The following FMNL2 variants were observed in gnomAD, a reference collection of about 807,000 sequenced individuals.
FMNL2 encodes formin like 2.
A neutral mutation model predicts 130.2 loss-of-function variants in FMNL2; 51 were observed. The ratio of observed to expected loss-of-function variants is 0.39; its 90% CI spans 0.31 to 0.49. FMNL2 has a LOEUF of 0.49. FMNL2 is among the 20% of genes least tolerant of loss of function. FMNL2 has a pLI of 0.85. For missense variants in FMNL2, 977 were observed against 1,316.2 expected (o/e 0.74, Z 3.99); for synonymous variants, 465 against 467.1 (o/e 1.00, Z 0.06).
intron 1 of FMNL2, among the ~76,000 whole-genome samples, chr2:152,384,972 A>G (rs1684700414): frequency 6.6e-6 from 1 of 152,166 alleles, no homozygotes; most frequent in Non-Finnish European, 1.5e-5. Context: ...TAATATCCAT[A>G]AATGTATTAG....
intron 6 of FMNL2, among the ~76,000 whole-genome samples, chr2:152,571,087 C>A (rs931982283): frequency 6.6e-6 from 1 of 152,140 alleles, no homozygotes; most frequent in Admixed American, 6.5e-5. Context: ...CCAGTAGCTG[C>A]AATCACAGTG....
chr2:152,427,323 G>T (rs991220121), intron 1 of FMNL2, among the ~76,000 whole-genome samples: 2 of 152,142 alleles, frequency 1.3e-5, no homozygotes, highest in African/African-American at 4.8e-5. Context: ...GAGATGGGTG[G>T]ATCACTTGAG....
chr2:152,647,134 T>A (rs1683657125), intron 25 of FMNL2, among the ~76,000 whole-genome samples: 1 of 152,178 alleles, frequency 6.6e-6, no homozygotes. Flanking sequence ...GAGAATCGCT[T>A]GAGACTGGTT....
chr2:152,443,390 C>G (rs954396832), intron 1 of FMNL2, among the ~76,000 whole-genome samples: 1 of 151,138 alleles, frequency 6.6e-6, no homozygotes, highest in African/African-American at 2.5e-5. Flanking sequence ...ATGGGATTAG[C>G]TAGGAAGGTA....
In FMNL2 at chr2:152,647,963, C is replaced by G; in HGVS notation, c.*58C>G. ...GCGTGAATGAAACTGCCCACATGAA[C>G]TTTATGTGCTACGATTTAACTGCAG... On this transcript the variant is annotated 3_prime_UTR_variant, in exon 26 of 26. Coordinates refer to ENST00000288670, the MANE Select transcript of FMNL2 (RefSeq NM_052905.4). The G allele has an allele frequency of 1.5e-6, 2 of 1,347,406 alleles. No homozygotes were observed. The highest frequency in any genetic ancestry group is 2.1e-6 in the Non-Finnish European group (2 of 971,168). 83.5% of individuals were successfully genotyped at this position (1,347,406 alleles called of 1,614,324 possible).
intron 1 of FMNL2, among the ~76,000 whole-genome samples, chr2:152,348,010 G>A (rs1420703722): frequency 2.7e-5 from 4 of 150,028 alleles, no homozygotes; most frequent in South Asian, 4.3e-4. Context: ...TTTTTCCCCC[G>A]GTGATTCCCC....
At chr2:152,411,574 C>T (rs1337749591) in intron 1 of FMNL2, among the ~76,000 whole-genome samples, 2 of 152,150 alleles carry the variant, frequency 1.3e-5, no homozygotes, top group African/African-American at 2.4e-5. Context: ...AACTCAAGAG[C>T]CAGCCAGTTA....
intron 1 of FMNL2, among the ~76,000 whole-genome samples, chr2:152,441,962 AGT>A (rs1045488109): frequency 1.1e-4 from 17 of 152,022 alleles, no homozygotes; most frequent in Non-Finnish European, 2.1e-4. Flanking sequence ...AGTTCCTACC[AGT>A]GTGTGTCTGT....
rs189765250 is a variant in FMNL2, at chr2:152,383,554, A to G, written c.117+47834A>G. Among the ~76,000 whole-genome samples the G allele has an allele frequency of 1.3e-4, 20 of 152,168 alleles. No homozygotes were observed. The East Asian group carries it at 3.9e-3, about 29-fold the overall frequency. ...GTTCGAGACCAGCCTGGGCAACATA[A>G]TAAGACCCTGTTTCAAATCAAAAAA... On this transcript the variant is annotated intron_variant, in intron 1 of 25. Coordinates refer to ENST00000288670, the MANE Select transcript of FMNL2 (RefSeq NM_052905.4).
chr2:152,387,327 G>T (rs1284171517), intron 1 of FMNL2, among the ~76,000 whole-genome samples: 2 of 152,152 alleles, frequency 1.3e-5, no homozygotes, highest in Non-Finnish European at 2.9e-5. Flanking sequence ...TTTCTTAATG[G>T]CAGACACCAG....
chr2:152,346,917 C>A (rs899132251), intron 1 of FMNL2, among the ~76,000 whole-genome samples: 6 of 151,600 alleles, frequency 4.0e-5, no homozygotes, highest in Non-Finnish European at 7.4e-5. Context: ...TGGTGAAACC[C>A]CGTATCTACT....
intron 1 of FMNL2, among the ~76,000 whole-genome samples, chr2:152,483,787 T>G (rs1201212397): frequency 6.6e-6 from 1 of 152,264 alleles, no homozygotes; most frequent in Non-Finnish European, 1.5e-5. Context: ...TATGAATTGC[T>G]CATCTCTTGA....
chr2:152,358,407 T>C (rs1400554062), intron 1 of FMNL2, among the ~76,000 whole-genome samples: 1 of 152,128 alleles, frequency 6.6e-6, no homozygotes, highest in Admixed American at 6.5e-5. Flanking sequence ...CCCAGCACTT[T>C]GGGAGGCTGA....
At chr2:152,462,878 G>A (rs1689323305) in intron 1 of FMNL2, among the ~76,000 whole-genome samples, 1 of 152,114 alleles carries the variant, frequency 6.6e-6, no homozygotes, top group African/African-American at 2.4e-5. Flanking sequence ...TTCGTGGCTT[G>A]TTTTCTCTCT....
At chr2:152,574,542 G>A (rs1036516988) in intron 6 of FMNL2, among the ~76,000 whole-genome samples, 1 of 151,884 alleles carries the variant, frequency 6.6e-6, no homozygotes, top group Non-Finnish European at 1.5e-5. Flanking sequence ...ATATGACACT[G>A]TAGAGAATAA....
chr2:152,459,172 G>A (rs1195499095), intron 1 of FMNL2, among the ~76,000 whole-genome samples: 2 of 152,140 alleles, frequency 1.3e-5, no homozygotes, highest in Non-Finnish European at 2.9e-5. Context: ...TGAAAAAATG[G>A]AAGATGGCCA....
chr2:152,539,836 C>T (rs190682414), intron 2 of FMNL2, among the ~76,000 whole-genome samples: 83 of 152,206 alleles, frequency 5.5e-4, no homozygotes, highest in African/African-American at 1.9e-3. Flanking sequence ...AATGCTACTG[C>T]GTTACATGTG....
chr2:152,561,973 G>C (rs1423281501), intron 6 of FMNL2, among the ~76,000 whole-genome samples: 1 of 152,144 alleles, frequency 6.6e-6, no homozygotes, highest in East Asian at 1.9e-4. Context: ...CTGACCACCT[G>C]TACTAGTAAT....
In FMNL2 at chr2:152,626,622, G is replaced by A. The variant is rs1681805317; in HGVS notation, c.2060G>A (p.Gly687Glu). ...SSSKQKIPQK[G>E]SNKVTLLEAN... ...AGCAAACAGAAGATACCACAGAAGG[G>A]ATCAAACAAAGTGACATTACTAGAA... Residue 687 changes from glycine to glutamate, a missense_variant, in exon 17 of 26, where the codon GGA (glycine) becomes GAA (glutamate). By Grantham distance (98) the Gly-to-Glu change is moderately conservative (BLOSUM62 -2). Around this residue, in one of 4 missense-constraint regions of FMNL2, gnomAD observed 689 missense variants for 995.9 expected, o/e 0.69. Coordinates refer to ENST00000288670, the MANE Select transcript of FMNL2 (RefSeq NM_052905.4). The A allele has an allele frequency of 6.2e-7, 1 of 1,613,004 alleles. No individual in the cohort carries two copies. Among genetic ancestry groups the A allele is most frequent in the Non-Finnish European group, 8.5e-7 (1 of 1,179,514 alleles).
Sources: gnomAD v4.1 joint callset for allele counts (sites outside exome capture counted in the v4.1 genomes callset) on GRCh38, gnomAD v4.1.1 for gene constraint, gnomAD v4.1.1 regional missense constraint, MANE v1.5 for transcripts, NCBI Gene and HGNC (gene_info 2026-07-23, HGNC 2026-07-21) for gene names.